Variants in MTUS2 observed in about 807,000 individuals in gnomAD.
The protein encoded by MTUS2 is microtubule-associated tumor suppressor candidate 2.
Under a neutral mutation model 114.1 loss-of-function variants are expected in MTUS2, and 40 were observed. The ratio of observed to expected loss-of-function variants is 0.35; its 90% CI spans 0.27 to 0.46. The LOEUF (loss-of-function observed/expected upper bound fraction) is 0.46, where lower values mean the gene tolerates loss of function less well. Ranked by LOEUF, MTUS2 falls within the 20% of genes least tolerant of loss-of-function variation. MTUS2 has a pLI of 1.00. For missense variants in MTUS2, 1,679 were observed against 1,705.4 expected, an observed-to-expected ratio of 0.98 and a Z score of 0.27; for synonymous variants, 688 against 672.0, an observed-to-expected ratio of 1.02 and a Z score of -0.37.
chr13:28,834,003 G>A (rs750070287), intron 1 of MTUS2, among the ~76,000 whole-genome samples: 3 of 151,720 alleles, frequency 2.0e-5, no homozygotes, highest in Non-Finnish European at 4.4e-5. Context: ...ACTGCAAAAC[G>A]TTGTTAAAAG....
intron 7 of MTUS2, among the ~76,000 whole-genome samples, chr13:29,356,171 G>A (rs932910291): frequency 6.6e-6 from 1 of 152,106 alleles, no homozygotes; most frequent in African/African-American, 2.4e-5. Context: ...TGTCATGGGG[G>A]AACATGACAT....
At chr13:28,994,840 A>G (rs1321897682) in intron 2 of MTUS2, among the ~76,000 whole-genome samples, 1 of 152,036 alleles carries the variant, frequency 6.6e-6, no homozygotes, top group Non-Finnish European at 1.5e-5. Context: ...ATTTTCTCCC[A>G]TTCTGTAGAT....
At chr13:29,388,956 C>G (rs1307739596) in intron 8 of MTUS2, among the ~76,000 whole-genome samples, 1 of 151,902 alleles carries the variant, frequency 6.6e-6, no homozygotes, top group Non-Finnish European at 1.5e-5. Context: ...TGTCTTGCCC[C>G]CAGCAGTATT....
chr13:28,854,936 G>A (rs1876525756), intron 2 of MTUS2, among the ~76,000 whole-genome samples: 2 of 152,000 alleles, frequency 1.3e-5, no homozygotes, highest in African/African-American at 4.8e-5. Context: ...GGATGCTCTG[G>A]TGACACATCC....
At chr13:29,364,469 A>G (rs761719990) in intron 8 of MTUS2, among the ~76,000 whole-genome samples, 8 of 152,202 alleles carry the variant, frequency 5.3e-5, no homozygotes, top group Non-Finnish European at 1.0e-4. Context: ...TTGCTCTAGC[A>G]TGGATTGCAA....
chr13:29,046,440 T>C (rs762529783), intron 4 of MTUS2, among the ~76,000 whole-genome samples: 4 of 152,224 alleles, frequency 2.6e-5, no homozygotes, highest in Non-Finnish European at 4.4e-5. Context: ...TTAACAGTTA[T>C]GTTCTGTTCC....
intron 5 of MTUS2, among the ~76,000 whole-genome samples, chr13:29,269,166 C>A (rs566547948): frequency 6.6e-6 from 1 of 152,288 alleles, no homozygotes; most frequent in East Asian, 1.9e-4. Context: ...ATTAGCTTAA[C>A]AACTGACAGT....
intron 4 of MTUS2, among the ~76,000 whole-genome samples, chr13:29,090,822 C>G (rs1889911199): frequency 6.6e-6 from 1 of 152,236 alleles, no homozygotes; most frequent in South Asian, 2.1e-4. Flanking sequence ...TATGGCTGTG[C>G]TCCACTGCAG....
In MTUS2 at chr13:29,389,938, T is replaced by C. The variant is rs1268730863; in HGVS notation, c.3117+30465T>C. 2.2e-5 allele frequency among the ~76,000 whole-genome samples: 3 copies of C among 138,798 alleles called. 1 individual carries two copies. The highest frequency in any genetic ancestry group is 4.5e-4 in the South Asian group (2 of 4,444). The allele number at this position is 138,798 out of a possible 152,430, so 91.1% of individuals were successfully genotyped here. Reference sequence around the variant, plus strand: ...ATATGTATGTATATGTGTATATATGTATGTATATGTGTATGTGTATATATC... The same window carrying C: ...ATATGTATGTATATGTGTATATATGCATGTATATGTGTATGTGTATATATC... On this transcript the variant is annotated intron_variant, in intron 8 of 15. Coordinates refer to ENST00000612955, the MANE Select transcript of MTUS2 (RefSeq NM_001033602.4).
intron 2 of MTUS2, among the ~76,000 whole-genome samples, chr13:28,942,668 A>G (rs1332875623): frequency 6.6e-6 from 1 of 152,254 alleles, no homozygotes; most frequent in Non-Finnish European, 1.5e-5. Flanking sequence ...ACATGGATAC[A>G]TCTCAGTGTT....
chr13:28,980,396 C>T (rs184773031), intron 2 of MTUS2, among the ~76,000 whole-genome samples: 14 of 152,318 alleles, frequency 9.2e-5, no homozygotes, highest in African/African-American at 2.9e-4. Flanking sequence ...CCTTCTGCCC[C>T]ACAGGCCAAC....
intron 9 of MTUS2, among the ~76,000 whole-genome samples, chr13:29,463,019 A>G (rs1380038639): frequency 6.6e-6 from 1 of 152,152 alleles, no homozygotes; most frequent in African/African-American, 2.4e-5. Context: ...TGGAATCATA[A>G]TGCTTCTTGT....
In MTUS2 at chr13:29,480,134, T is replaced by C. The variant is rs147728621; in HGVS notation, c.3185-16T>C. On this transcript the variant is annotated splice_polypyrimidine_tract_variant and intron_variant, in intron 9 of 15. Transcript: ENST00000612955. The surrounding 1 kb of genome is among the most constrained non-coding windows in gnomAD (Gnocchi z 4.4). ...ACGGCCATTTTTTAAAGAAAGATCT[T>C]GTGCTTTGCGCCCAGCCTTCCATAC... is the stretch of plus-strand genomic sequence containing the variant. 3 of 1,551,576 alleles carry C rather than the reference T, an allele frequency of 1.9e-6. No homozygotes were observed. Among genetic ancestry groups the C allele is most frequent in the African/African-American group, 2.7e-5 (2 of 73,176 alleles).
intron 5 of MTUS2, among the ~76,000 whole-genome samples, chr13:29,272,544 G>A (rs1284525173): frequency 6.6e-6 from 1 of 152,162 alleles, no homozygotes; most frequent in Non-Finnish European, 1.5e-5. Context: ...AATAAATGAA[G>A]TAGTGAAAAG....
chr13:29,335,495 G>A (rs1901012084), intron 7 of MTUS2, among the ~76,000 whole-genome samples: 1 of 152,064 alleles, frequency 6.6e-6, no homozygotes, highest in Non-Finnish European at 1.5e-5. Context: ...TGTGATCTCT[G>A]TGACCCACAC....
chr13:29,492,706 G>A lies in MTUS2; in HGVS notation c.3566G>A (p.Arg1189Gln), dbSNP rs200119417. The change falls in exon 12 of 16, where the codon CGG becomes CAG. Residue 1189 changes from arginine to glutamine, a missense_variant. Transcript: ENST00000612955. ...KELEENFEKL[R>Q]LSLQDQVDTL... The stretch of plus-strand genomic sequence containing the variant: ...TTGGAAGAAAATTTTGAAAAACTGC[G>A]GCTGTCATTGCAGGTTAGTATTTCT... 37 of 1,612,876 alleles carry A rather than the reference G, an allele frequency of 2.3e-5. No individual in the cohort carries two copies. Among genetic ancestry groups the A allele is most frequent in the Admixed American group, 8.3e-5 (5 of 59,958 alleles).
At chr13:28,979,194 T>C (rs1884249173) in intron 2 of MTUS2, among the ~76,000 whole-genome samples, 1 of 152,228 alleles carries the variant, frequency 6.6e-6, no homozygotes, top group Non-Finnish European at 1.5e-5. Context: ...CCAGCCACAG[T>C]TGAGGACTTA....
intron 4 of MTUS2, among the ~76,000 whole-genome samples, chr13:29,094,246 G>A (rs1453556446): frequency 6.6e-6 from 1 of 151,666 alleles, no homozygotes; most frequent in Non-Finnish European, 1.5e-5. Flanking sequence ...CTTTTTTTGG[G>A]TGGGGGGTGT....
At chr13:29,424,454 A>T (rs1419469860) in intron 8 of MTUS2, among the ~76,000 whole-genome samples, 1 of 152,210 alleles carries the variant, frequency 6.6e-6, no homozygotes, top group Non-Finnish European at 1.5e-5. Context: ...TCAGAACATT[A>T]TGTTGCAGTC....
Sources: allele counts gnomAD v4.1 joint callset (sites outside exome capture counted in the v4.1 genomes callset), GRCh38; gene constraint gnomAD v4.1.1; non-coding constraint Gnocchi (gnomAD v3.1); transcripts MANE v1.5; gene names NCBI Gene and HGNC (gene_info 2026-07-23, HGNC 2026-07-21).